The following OTULIN variants were observed in gnomAD, a reference collection of about 807,000 sequenced individuals.
The protein encoded by OTULIN is OTU deubiquitinase with linear linkage specificity.
A neutral mutation model predicts 39.6 loss-of-function variants in OTULIN; 15 were observed. That is an observed-to-expected ratio of 0.38 (90% confidence interval 0.25 to 0.58). OTULIN has a LOEUF of 0.58. Among genes scored for constraint, OTULIN ranks in the 20% least tolerant of loss-of-function variants. OTULIN has a pLI of 0.66. For synonymous variants in OTULIN, 156 were observed against 170.3 expected (o/e 0.92, Z 0.65); for missense variants, 319 against 445.9 (o/e 0.72, Z 2.56).
At chr5:14,692,111 G>A (rs1736543826) in intron 6 of OTULIN, among the ~76,000 whole-genome samples, 3 of 152,096 alleles carry the variant, frequency 2.0e-5, no homozygotes, top group African/African-American at 7.2e-5. Context: ...GGTATACACC[G>A]AGGAGTGGAA....
the OTULIN span, chr5:14,705,989 A>G: frequency 2.0e-5 from 3 of 152,112 alleles, no homozygotes; most frequent in Non-Finnish European, 2.9e-5. Context: ...TTGCCTCTAA[A>G]TCTTATAGTG....
At chr5:14,672,014 G>C (rs1460357837) in intron 1 of OTULIN, among the ~76,000 whole-genome samples, 1 of 152,088 alleles carries the variant, frequency 6.6e-6, no homozygotes, top group Non-Finnish European at 1.5e-5. Context: ...ACCAGAATGA[G>C]GACTAGTTAA....
the OTULIN span, chr5:14,711,123 T>A: frequency 1.0e-5 from 13 of 1,252,740 alleles, no homozygotes; most frequent in Non-Finnish European, 1.5e-5. Flanking sequence ...CAAAATACGA[T>A]GGGAGAGGGA....
chr5:14,687,647 G>T lies in OTULIN; in HGVS notation c.594+1G>T. 6.2e-7 allele frequency: 1 copy of T among 1,610,978 alleles called. No individual in the cohort carries two copies. Among genetic ancestry groups the T allele is most frequent in the Non-Finnish European group, 8.5e-7 (1 of 1,179,064 alleles). ...GTCCCTTACTCTGCTGAGGAAGAAG[G>T]TTTGGAACCTGTAGTGTCCTGTCTG... On this transcript the variant is annotated splice_donor_variant, in intron 5 of 6. Coordinates refer to ENST00000284274, the MANE Select transcript of OTULIN (RefSeq NM_138348.6). LOFTEE classifies it high-confidence loss of function.
chr5:14,702,724 C>T (rs1736821869), downstream of OTULIN, among the ~76,000 whole-genome samples: 1 of 152,074 alleles, frequency 6.6e-6, no homozygotes, highest in Admixed American at 6.5e-5. Context: ...ACCAAGAGAG[C>T]TTTTATTGTG....
In OTULIN at chr5:14,697,654, T is replaced by C. The variant is rs925325879; in HGVS notation, c.*4606T>C. On this transcript the variant is annotated 3_prime_UTR_variant, in exon 7 of 7. Transcript: ENST00000284274. ...GATGTGTGTGTGGTCCCAGACCTCA[T>C]GGCCACCAGTTTGTTTAAGCATTGT... 1 of 152,224 alleles carries C rather than the reference T, an allele frequency of 6.6e-6. No homozygotes were observed. Among genetic ancestry groups the C allele is most frequent in the South Asian group, 2.1e-4 (1 of 4,830 alleles). The allele number at this position is 152,224 out of a possible 1,614,324, so 9.4% of individuals were successfully genotyped here. A position where few individuals can be genotyped will look rare whatever the true frequency, so the allele number is the denominator to read the frequency against.
chr5:14,711,336 T>TGGGGCTGTGGATG, the OTULIN span: 5 of 1,599,512 alleles, frequency 3.1e-6, no homozygotes, highest in East Asian at 1.1e-4. Flanking sequence ...CTCATCAGTG[T>TGGGGCTGTGGATG]GGGGCTGTGG....
chr5:14,712,967 G>A, the OTULIN span: 230 of 1,612,706 alleles, frequency 1.4e-4, 3 homozygotes, highest in South Asian at 1.8e-3. Context: ...GGGTCGCACC[G>A]TGCACCCTGC....
intron 1 of OTULIN, among the ~76,000 whole-genome samples, chr5:14,666,689 G>A (rs1327664297): frequency 6.6e-6 from 1 of 152,126 alleles, no homozygotes; most frequent in Non-Finnish European, 1.5e-5. Flanking sequence ...TGTTGCGTTT[G>A]ATTATCTCAT....
intron 4 of OTULIN, among the ~76,000 whole-genome samples, chr5:14,686,094 A>G (rs1736381055): frequency 6.6e-6 from 1 of 152,076 alleles, no homozygotes; most frequent in African/African-American, 2.4e-5. Flanking sequence ...GTGAAAAGTA[A>G]TTTACATCCC....
At chr5:14,692,736 G>T (rs754291863) in intron 6 of OTULIN, 118 bp from the exon 7 acceptor site, 36 of 776,296 alleles carry the variant, frequency 4.6e-5, no homozygotes, top group Non-Finnish European at 6.9e-5. Context: ...AAAGCAGGAG[G>T]AAAAAACGTT....
At chr5:14,681,024 C>T (rs1192438495) in intron 3 of OTULIN, among the ~76,000 whole-genome samples, 1 of 152,162 alleles carries the variant, frequency 6.6e-6, no homozygotes, top group Non-Finnish European at 1.5e-5. Flanking sequence ...TGCGCCACTG[C>T]ACTCCAGCCT....
At position 14,693,127 on chromosome 5, in the gene OTULIN, G is replaced by A; in HGVS notation, c.*79G>A. The A allele has an allele frequency of 1.4e-6, 2 of 1,387,942 alleles. No homozygotes were observed. Among genetic ancestry groups the A allele is most frequent in the Non-Finnish European group, 2.0e-6 (2 of 1,020,546 alleles). 86.0% of individuals were successfully genotyped at this position (1,387,942 alleles called of 1,614,324 possible). A position where few individuals can be genotyped will look rare whatever the true frequency, so the allele number is the denominator to read the frequency against. ...CTGGGCTTGGGCTGCAGGTTTGGGG[G>A]TCTCTAAGAACAATCTCTGAGAAGA... On this transcript the variant is annotated 3_prime_UTR_variant, in exon 7 of 7. Coordinates refer to ENST00000284274, the MANE Select transcript of OTULIN (RefSeq NM_138348.6).
chr5:14,677,482 C>G (rs1158820214), intron 2 of OTULIN, among the ~76,000 whole-genome samples: 1 of 152,194 alleles, frequency 6.6e-6, no homozygotes, highest in Non-Finnish European at 1.5e-5. Flanking sequence ...AAAAGGAAGT[C>G]AAGATGTGCC....
At chr5:14,716,492 C>CAATA in the OTULIN span, among the ~76,000 whole-genome samples, 188 of 151,560 alleles carry the variant, frequency 1.2e-3, 1 homozygote, top group East Asian at 0.016. Context: ...ACTCTGTCTC[C>CAATA]AATAAATAAA....
At chr5:14,683,260 T>TAAAA (rs959166684) in intron 4 of OTULIN, among the ~76,000 whole-genome samples, 1 of 150,984 alleles carries the variant, frequency 6.6e-6, no homozygotes, top group Non-Finnish European at 1.5e-5. Flanking sequence ...GGGAGTCTAT[T>TAAAA]AAAAAAAAAC....
the OTULIN span, among the ~76,000 whole-genome samples, chr5:14,712,416 C>T: frequency 1.3e-5 from 2 of 152,242 alleles, no homozygotes; most frequent in Admixed American, 6.5e-5. Flanking sequence ...GGCCCTTGCG[C>T]AAGCTCTCGG....
rs1164393651 is a variant in OTULIN, at chr5:14,698,594, A to C, written c.*5546A>C. 2.0e-5 allele frequency: 3 copies of C among 152,264 alleles called. No homozygotes were observed. Among genetic ancestry groups the C allele is most frequent in the Admixed American group, 2.0e-4 (3 of 15,286 alleles). 9.4% of individuals were successfully genotyped at this position (152,264 alleles called of 1,614,324 possible). Reference sequence around the variant, plus strand: ...AACAAATAACTAAAAATAAACTTAGAAAATACAACTCAGAAGCCTGGCTCT... The same window carrying C: ...AACAAATAACTAAAAATAAACTTAGCAAATACAACTCAGAAGCCTGGCTCT... On this transcript the variant is annotated 3_prime_UTR_variant, in exon 7 of 7. Coordinates refer to ENST00000284274, the MANE Select transcript of OTULIN (RefSeq NM_138348.6).
At chr5:14,701,086 G>A (rs1736787698), downstream of OTULIN, among the ~76,000 whole-genome samples, 1 of 152,198 alleles carries the variant, frequency 6.6e-6, no homozygotes, top group African/African-American at 2.4e-5. Flanking sequence ...CCCTTCCTGG[G>A]CTCAGCCAGG....
Sources: allele counts gnomAD v4.1 joint callset (sites outside exome capture counted in the v4.1 genomes callset), GRCh38; gene constraint gnomAD v4.1.1; transcripts MANE v1.5; gene names NCBI Gene and HGNC (gene_info 2026-07-23, HGNC 2026-07-21).